The following KCNK10 variants were observed in gnomAD, a reference collection of about 807,000 sequenced individuals.
KCNK10 encodes potassium two pore domain channel subfamily K member 10, also known as potassium channel subfamily K member 10.
KCNK10 carries 25 observed loss-of-function variants against 47.7 expected under a neutral mutation model. The observed-to-expected ratio is 0.52, with a 90% CI of 0.38 to 0.73. The LOEUF is 0.73. KCNK10 is among the 30% of genes least tolerant of loss of function. The probability of loss-of-function intolerance (pLI) is 0.00; values close to 1 mark genes in which losing one functional copy is unlikely to be tolerated. For missense variants in KCNK10, 563 were observed against 714.5 expected (o/e 0.79, Z 2.42); for synonymous variants, 303 against 285.6 (o/e 1.06, Z -0.61).
intron 1 of KCNK10, among the ~76,000 whole-genome samples, chr14:88,300,422 A>C (rs1189090612): frequency 6.6e-6 from 1 of 152,252 alleles, no homozygotes; most frequent in Non-Finnish European, 1.5e-5. Context: ...GGCAAAGACT[A>C]TGTCCTTGAT....
chr14:88,249,161 T>TA (rs35223730), intron 2 of KCNK10, among the ~76,000 whole-genome samples: 2 of 152,160 alleles, frequency 1.3e-5, no homozygotes, highest in African/African-American at 2.4e-5. Flanking sequence ...TCTCCATTTT[T>TA]AAAAAAACAA....
intron 5 of KCNK10, among the ~76,000 whole-genome samples, chr14:88,191,357 A>ACACACC (rs1884742517): frequency 6.6e-6 from 1 of 151,974 alleles, no homozygotes; most frequent in Non-Finnish European, 1.5e-5. Flanking sequence ...ACACACACAC[A>ACACACC]CACACACTCC....
At chr14:88,315,473 T>A (rs17124491) in intron 1 of KCNK10, among the ~76,000 whole-genome samples, 170 of 152,366 alleles carry the variant, frequency 1.1e-3, no homozygotes, top group African/African-American at 3.7e-3. Flanking sequence ...AAACCTTTTA[T>A]CACACCTAAT....
intron 4 of KCNK10, among the ~76,000 whole-genome samples, chr14:88,221,772 C>T (rs899661173): frequency 2.0e-5 from 3 of 152,152 alleles, no homozygotes; most frequent in Admixed American, 1.3e-4. Flanking sequence ...CAGCTTTATT[C>T]GTAATTACCA....
chr14:88,326,421 A>C, upstream of KCNK10: 1 of 1,613,148 alleles, frequency 6.2e-7, no homozygotes, highest in Non-Finnish European at 8.5e-7. Flanking sequence ...TCACTTACCC[A>C]AGGAAAGAAA....
intron 4 of KCNK10, among the ~76,000 whole-genome samples, chr14:88,211,158 G>T (rs145760697): frequency 3.1e-4 from 47 of 152,282 alleles, no homozygotes; most frequent in Middle Eastern, 6.8e-3. Context: ...ACAGACAGGG[G>T]GATATTACTC....
chr14:88,197,434 A>T (rs140408822), intron 4 of KCNK10, among the ~76,000 whole-genome samples: 1 of 151,794 alleles, frequency 6.6e-6, no homozygotes, highest in African/African-American at 2.4e-5. Context: ...TTAGCTGGGC[A>T]TGGTGGCAGA....
intron 2 of KCNK10, among the ~76,000 whole-genome samples, chr14:88,254,328 A>G (rs1886885965): frequency 6.6e-6 from 1 of 152,184 alleles, no homozygotes; most frequent in Non-Finnish European, 1.5e-5. Flanking sequence ...CAAGGCACTT[A>G]GAATGAAAAA....
intron 1 of KCNK10, among the ~76,000 whole-genome samples, chr14:88,298,859 C>T (rs912264826): frequency 1.3e-5 from 2 of 152,208 alleles, no homozygotes; most frequent in Non-Finnish European, 2.9e-5. Flanking sequence ...ATGCCCCCAA[C>T]ATCACCACCA....
chr14:88,192,551 G>A lies in KCNK10; in HGVS notation c.682-141C>T, dbSNP rs931035790. 4.4e-6 allele frequency: 3 copies of A among 685,352 alleles called. No individual in the cohort carries two copies. The South Asian group carries it at 6.3e-5, about 14-fold the overall frequency. 42.5% of individuals were successfully genotyped at this position (685,352 alleles called of 1,614,324 possible). ...GCTGCTTGGAGGAAATTTGATGAACGCTGTGAACTCTTTCCTAGAAAAGTG... is the reference window on the plus strand; with the variant it reads ...GCTGCTTGGAGGAAATTTGATGAACACTGTGAACTCTTTCCTAGAAAAGTG... On this transcript the variant is annotated intron_variant, in intron 4 of 6. Coordinates refer to ENST00000319231, the MANE Select transcript of KCNK10 (RefSeq NM_138317.3).
chr14:88,265,896 C>T (rs973786934), intron 1 of KCNK10, among the ~76,000 whole-genome samples: 7 of 152,214 alleles, frequency 4.6e-5, no homozygotes, highest in African/African-American at 1.2e-4. Flanking sequence ...GATTGTGAGG[C>T]CTCCCTAGCC....
chr14:88,201,652 T>A (rs1011525542), intron 4 of KCNK10, among the ~76,000 whole-genome samples: 4 of 151,720 alleles, frequency 2.6e-5, no homozygotes, highest in Non-Finnish European at 1.5e-5. Context: ...AGAGTGAGAC[T>A]ACGTCTCAAA....
chr14:88,280,577 T>C (rs1213763385), intron 1 of KCNK10, among the ~76,000 whole-genome samples: 1 of 152,136 alleles, frequency 6.6e-6, no homozygotes, highest in African/African-American at 2.4e-5. Flanking sequence ...AAGTGAAAAT[T>C]GCGCTTGTTA....
intron 2 of KCNK10, among the ~76,000 whole-genome samples, chr14:88,245,393 A>G (rs926536575): frequency 3.3e-5 from 5 of 152,226 alleles, no homozygotes; most frequent in Non-Finnish European, 7.3e-5. Flanking sequence ...AACCTCTCAC[A>G]AAGTGAGGCG....
At chr14:88,326,480 G>A (rs775889718), upstream of KCNK10, 6 of 1,606,174 alleles carry the variant, frequency 3.7e-6, no homozygotes, top group South Asian at 2.2e-5. Flanking sequence ...GCTCCAAGCG[G>A]TTCTGTCTCC....
intron 4 of KCNK10, among the ~76,000 whole-genome samples, chr14:88,197,614 C>CAAAAAAAAAAAAAAA (rs1884960053): frequency 2.0e-5 from 1 of 50,814 alleles, no homozygotes; most frequent in African/African-American, 6.6e-5. Flanking sequence ...AAAAAAAAAT[C>CAAAAAAAAAAAAAAA]AACTGTTCCA....
intron 1 of KCNK10, among the ~76,000 whole-genome samples, chr14:88,286,153 A>T (rs1206742917): frequency 6.6e-6 from 1 of 152,080 alleles, no homozygotes; most frequent in African/African-American, 2.4e-5. Context: ...ATGAGCCAAG[A>T]TACCTCCAGT....
rs1595137584 is a variant in KCNK10 at position 88,322,858 on chromosome 14, A to G, written c.-60T>C. ...AACCCAAATAATAATAAAGTCCTCA[A>G]GCTTTACACGCCTCGGTTTAGCAGT... On this transcript the variant is annotated 5_prime_UTR_variant, in exon 1 of 7. Transcript: ENST00000319231. The surrounding 1 kb of genome is among the most constrained non-coding windows in gnomAD (Gnocchi z 4.8). The G allele has an allele frequency of 7.4e-6, 12 of 1,613,038 alleles. No homozygotes were observed. The East Asian group carries it at 2.7e-4, about 36-fold the overall frequency.
chr14:88,214,272 T>C (rs115339207), intron 4 of KCNK10, among the ~76,000 whole-genome samples: 1,824 of 152,188 alleles, frequency 0.012, 27 homozygotes, highest in African/African-American at 0.041. Context: ...AAGCAGAGCA[T>C]TGAGGCATTC....
Sources: gnomAD v4.1 joint callset for allele counts (sites outside exome capture counted in the v4.1 genomes callset) on GRCh38, gnomAD v4.1.1 for gene constraint, Gnocchi (gnomAD v3.1) non-coding constraint, MANE v1.5 for transcripts, NCBI Gene and HGNC (gene_info 2026-07-23, HGNC 2026-07-21) for gene names.